Variants in STK32A observed in about 807,000 individuals in gnomAD.
STK32A encodes the protein serine/threonine-protein kinase 32A.
In STK32A, 41 loss-of-function variants were observed where a neutral mutation model predicts 53.2. The ratio of observed to expected loss-of-function variants is 0.77; its 90% CI spans 0.60 to 1.00. The LOEUF is 1.00. STK32A is among the 50% of genes least tolerant of loss of function. The pLI, the probability that STK32A is intolerant of heterozygous loss-of-function variation, is 0.00. For synonymous variants in STK32A, 166 were observed against 162.8 expected (o/e 1.02, Z -0.15); for missense variants, 458 against 485.8 (o/e 0.94, Z 0.54).
chr5:147,400,789 G>A, the STK32A span: 1 of 1,614,206 alleles, frequency 6.2e-7, no homozygotes, highest in Non-Finnish European at 8.5e-7. Context: ...TTTCTGGGCA[G>A]TGCTGAAGGT....
chr5:147,342,069 A>G (rs551936634), intron 5 of STK32A, among the ~76,000 whole-genome samples: 179 of 152,322 alleles, frequency 1.2e-3, no homozygotes, highest in African/African-American at 4.2e-3. Flanking sequence ...TCAGATTTTT[A>G]CTGCCTTTCC....
At chr5:147,399,239 A>G in the STK32A span, 1 of 1,614,072 alleles carries the variant, frequency 6.2e-7, no homozygotes. Context: ...GTTTTCGTCC[A>G]TTTTCCCTGT....
intron 5 of STK32A, 114 bp downstream of exon 5, chr5:147,324,185 A>G: frequency 9.1e-7 from 1 of 1,104,694 alleles, no homozygotes; most frequent in South Asian, 1.7e-5. Flanking sequence ...TTAATTCTTG[A>G]AACAGTACCC....
chr5:147,344,215 A>G (rs746415284), intron 6 of STK32A, among the ~76,000 whole-genome samples: 2 of 152,170 alleles, frequency 1.3e-5, no homozygotes, highest in African/African-American at 2.4e-5. Context: ...TCTATTGCTC[A>G]TTATTTATTT....
intron 1 of STK32A, among the ~76,000 whole-genome samples, chr5:147,235,894 G>C (rs1304818464): frequency 6.6e-6 from 1 of 152,148 alleles, no homozygotes; most frequent in Non-Finnish European, 1.5e-5. Flanking sequence ...ATGATATAAA[G>C]ATGACCAAAT....
At chr5:147,350,515 C>A (rs557034069) in intron 6 of STK32A, among the ~76,000 whole-genome samples, 77 of 152,046 alleles carry the variant, frequency 5.1e-4, no homozygotes, top group African/African-American at 1.9e-3. Context: ...GCACCCATCA[C>A]CACGCCCAGC....
intron 8 of STK32A, among the ~76,000 whole-genome samples, chr5:147,366,498 A>G (rs1046760480): frequency 1.5e-4 from 23 of 152,152 alleles, no homozygotes; most frequent in African/African-American, 5.6e-4. Context: ...TTCAAATTCT[A>G]TTCATACTTT....
At chr5:147,311,980 G>C (rs192649938) in intron 4 of STK32A, among the ~76,000 whole-genome samples, 35 of 152,266 alleles carry the variant, frequency 2.3e-4, no homozygotes, top group African/African-American at 7.2e-4. Context: ...TCTAGTTTAC[G>C]TTTGTCAAGG....
At chr5:147,297,987 A>AAAAC in intron 4 of STK32A, among the ~76,000 whole-genome samples, 1 of 151,828 alleles carries the variant, frequency 6.6e-6, no homozygotes, top group Admixed American at 6.6e-5. Context: ...TCAAAAAAAA[A>AAAAC]AAAAAATACT....
At chr5:147,242,878 G>T (rs1753635958) in intron 2 of STK32A, among the ~76,000 whole-genome samples, 1 of 152,206 alleles carries the variant, frequency 6.6e-6, no homozygotes, top group South Asian at 2.1e-4. Flanking sequence ...TTGAGCACAA[G>T]GTAAAATTGT....
intron 4 of STK32A, among the ~76,000 whole-genome samples, chr5:147,313,725 G>C (rs1222620418): frequency 6.6e-6 from 1 of 152,170 alleles, no homozygotes; most frequent in African/African-American, 2.4e-5. Context: ...CCTGGCATAA[G>C]GATAAACATG....
chr5:147,298,228 A>G (rs1031034253), intron 4 of STK32A, among the ~76,000 whole-genome samples: 1 of 152,176 alleles, frequency 6.6e-6, no homozygotes, highest in African/African-American at 2.4e-5. Context: ...GAGCAGTTAG[A>G]GGTGAAAGAG....
intron 2 of STK32A, among the ~76,000 whole-genome samples, chr5:147,249,652 C>T (rs1753895661): frequency 6.6e-6 from 1 of 151,918 alleles, no homozygotes; most frequent in Non-Finnish European, 1.5e-5. Flanking sequence ...GTGGTTCACG[C>T]CTGCAATCCC....
intron 10 of STK32A, among the ~76,000 whole-genome samples, chr5:147,374,737 G>A (rs1757156968): frequency 6.6e-6 from 1 of 152,158 alleles, no homozygotes; most frequent in Non-Finnish European, 1.5e-5. Context: ...GATTTGGGAA[G>A]TCTGGTTGGA....
At chr5:147,288,437 T>G (rs1051577541) in intron 4 of STK32A, among the ~76,000 whole-genome samples, 56 of 152,182 alleles carry the variant, frequency 3.7e-4, no homozygotes, top group Admixed American at 3.1e-3. Flanking sequence ...TAGTCAGTTC[T>G]CACATTGCTA....
the STK32A span, among the ~76,000 whole-genome samples, chr5:147,399,416 C>G: frequency 6.6e-6 from 1 of 152,182 alleles, no homozygotes; most frequent in South Asian, 2.1e-4. Flanking sequence ...CTCGAATTAG[C>G]TGGGCTGTCG....
the STK32A span, chr5:147,394,157 A>T: frequency 6.2e-7 from 1 of 1,609,352 alleles, no homozygotes; most frequent in Non-Finnish European, 8.5e-7. Context: ...GGGGGAAAAA[A>T]AAAACAGAGT....
rs571765147 is a variant in STK32A, at chr5:147,288,797, A to T, written c.260+9399A>T. Among the ~76,000 whole-genome samples the T allele has an allele frequency of 2.6e-5, 4 of 152,262 alleles. No individual in the cohort carries two copies. The East Asian group carries it at 7.7e-4, about 29-fold the overall frequency. ...CCAGCATTGGGGATTACAATTCAAC[A>T]TGAGATTTGGGTGGGGATAGAGATG... On this transcript the variant is annotated intron_variant, in intron 4 of 12. Transcript: ENST00000397936.
At chr5:147,275,264 C>T (rs1044992506) in intron 2 of STK32A, among the ~76,000 whole-genome samples, 24 of 151,688 alleles carry the variant, frequency 1.6e-4, no homozygotes, top group African/African-American at 5.3e-4. Flanking sequence ...TTCCTGCTAA[C>T]TAGTGATTCT....
Sources: allele counts gnomAD v4.1 joint callset (sites outside exome capture counted in the v4.1 genomes callset), GRCh38; gene constraint gnomAD v4.1.1; transcripts MANE v1.5; gene names NCBI Gene and HGNC (gene_info 2026-07-23, HGNC 2026-07-21).